NDRG1: variants seen among roughly 807,000 people sequenced by gnomAD.
The protein encoded by NDRG1 is protein NDRG1.
Under a neutral mutation model 56.9 loss-of-function variants are expected in NDRG1, and 32 were observed. The observed-to-expected ratio is 0.56, with a 90% CI of 0.42 to 0.76. The LOEUF is 0.76. Among genes scored for constraint, NDRG1 ranks in the 30% least tolerant of loss-of-function variants. The pLI is 0.00. For missense variants in NDRG1, 507 were observed against 545.7 expected, an observed-to-expected ratio of 0.93 and a Z score of 0.71; for synonymous variants, 211 against 204.1, an observed-to-expected ratio of 1.03 and a Z score of -0.29.
intron 8 of NDRG1, chr8:133,255,134 C>G (rs1235526502): frequency 1.1e-5 from 4 of 362,760 alleles, no homozygotes; most frequent in Non-Finnish European, 1.1e-5. Context: ...TCCTAGTATA[C>G]AGCAGAAGCT....
rs773317729 is a variant in NDRG1 at position 133,280,238 on chromosome 8, A to G, written c.93T>C (p.Asp31=). The change falls in exon 3 of 16, where the codon GAT becomes GAC. Residue 31 remains aspartate, a synonymous_variant. Transcript: ENST00000323851. ...ETITGLLQEF[D]VQEQDIETLH... ...AGCCACATCCTCTACTTGCCTGGAC[A>G]TCAAACTCTTGCAGGAGGCCGGTGA... 2.5e-6 allele frequency: 4 copies of G among 1,614,162 alleles called. No individual in the cohort carries two copies. The highest frequency in any genetic ancestry group is 2.5e-6 in the Non-Finnish European group (3 of 1,180,002).
chr8:133,239,626 C>T lies in NDRG1; in HGVS notation c.944-507G>A, dbSNP rs529806614. ...GCATGGCTATTCGTTGTCATCTCTC[C>T]CAAAGAAGCCTGTCAGCCCAGGTGC... On this transcript the variant is annotated intron_variant, in intron 15 of 15. Transcript: ENST00000323851. The T allele has an allele frequency of 5.0e-4, 92 of 183,582 alleles. 3 individuals are homozygous for T. In the South Asian group the frequency reaches 0.011, roughly 22 times the overall value. 11.4% of individuals were successfully genotyped at this position (183,582 alleles called of 1,614,324 possible).
rs1855949348 is a variant in NDRG1, at chr8:133,250,446, T to C, written c.692A>G (p.Tyr231Cys). ...PGNLHLFINAYNSRRDLEIER... is the reference protein window; with the variant it reads ...PGNLHLFINACNSRRDLEIER... Reference sequence around the variant, plus strand: ...CTGAACTACATCCCAATACCTGTTGTAGGCATTGATGAACAGGTGCAGGTT... The same window carrying C: ...CTGAACTACATCCCAATACCTGTTGCAGGCATTGATGAACAGGTGCAGGTT... Residue 231 changes from tyrosine (Y) to cysteine (C), a missense_variant, in exon 10 of 16, where the codon TAC (tyrosine) becomes TGC (cysteine). Tyr to Cys is a radical substitution (Grantham distance 194). Coordinates refer to ENST00000323851, the MANE Select transcript of NDRG1 (RefSeq NM_006096.4). 1 of 1,612,468 alleles carries C rather than the reference T, an allele frequency of 6.2e-7. No individual in the cohort carries two copies. The highest frequency in any genetic ancestry group is 8.5e-7 in the Non-Finnish European group (1 of 1,178,484).
chr8:133,264,441 G>A, intron 4 of NDRG1, 106 bp downstream of exon 4: 1 of 1,023,262 alleles, frequency 9.8e-7, no homozygotes, highest in South Asian at 1.3e-5. Flanking sequence ...GAAGTCCCAG[G>A]CAAAAAGAAA....
chr8:133,281,750 T>C (rs982441791), intron 2 of NDRG1, among the ~76,000 whole-genome samples: 1 of 152,172 alleles, frequency 6.6e-6, no homozygotes, highest in African/African-American at 2.4e-5. Context: ...GGGATTCAAA[T>C]AGCCCCACAT....
At chr8:133,249,476 C>T (rs1158438137) in intron 10 of NDRG1, 7 of 155,256 alleles carry the variant, frequency 4.5e-5, no homozygotes, top group Non-Finnish European at 8.6e-5. Flanking sequence ...GCCTTTGCTT[C>T]CTCAACAGGA....
chr8:133,246,594 A>AC (rs1341048379), intron 13 of NDRG1, 22 bp downstream of exon 13: 1 of 1,613,630 alleles, frequency 6.2e-7, no homozygotes. Flanking sequence ...ACAAACACGA[A>AC]CCCCCACTGT....
chr8:133,243,583 G>A (rs550565407), intron 14 of NDRG1, among the ~76,000 whole-genome samples: 1 of 152,292 alleles, frequency 6.6e-6, no homozygotes, highest in South Asian at 2.1e-4. Context: ...TGGTGTCCTC[G>A]AAGCCTGTGC....
Position 133,246,599 on chromosome 8 carries a change from C to A in NDRG1, c.855+17G>T. On this transcript the variant is annotated intron_variant, in intron 13 of 15. Coordinates refer to ENST00000323851, the MANE Select transcript of NDRG1 (RefSeq NM_006096.4). Reference sequence around the variant, plus strand: ...CTAAGAAATAACAAACACGAACCCCCACTGTTTTCCCTGTACCTTGAGGAG... The same window carrying A: ...CTAAGAAATAACAAACACGAACCCCAACTGTTTTCCCTGTACCTTGAGGAG... 1.2e-6 allele frequency: 2 copies of A among 1,613,938 alleles called. No homozygotes were observed. The highest frequency in any genetic ancestry group is 1.7e-6 in the Non-Finnish European group (2 of 1,179,792).
intron 1 of NDRG1, among the ~76,000 whole-genome samples, chr8:133,285,786 A>C (rs1858079020): frequency 6.6e-6 from 1 of 152,176 alleles, no homozygotes. Context: ...TTCTGAAAAC[A>C]AAGTCGGTTT....
chr8:133,238,726 T>A lies in NDRG1; in HGVS notation c.*152A>T. 1.0e-6 allele frequency: 1 copy of A among 978,730 alleles called. No individual in the cohort carries two copies. The highest frequency in any genetic ancestry group is 1.5e-6 in the Non-Finnish European group (1 of 681,884). The allele number at this position is 978,730 out of a possible 1,614,324, so 60.6% of individuals were successfully genotyped here. A position where few individuals can be genotyped will look rare whatever the true frequency, so the allele number is the denominator to read the frequency against. Reference sequence around the variant, plus strand: ...GGAGAGGGCACCCACGTAATAGACCTCATTTGTCTCCACCAGAGCTCACTC... The same window carrying A: ...GGAGAGGGCACCCACGTAATAGACCACATTTGTCTCCACCAGAGCTCACTC... On this transcript the variant is annotated 3_prime_UTR_variant, in exon 16 of 16. Coordinates refer to ENST00000323851, the MANE Select transcript of NDRG1 (RefSeq NM_006096.4).
At chr8:133,278,527 G>C (rs1217600067) in intron 3 of NDRG1, among the ~76,000 whole-genome samples, 1 of 152,182 alleles carries the variant, frequency 6.6e-6, no homozygotes, top group African/African-American at 2.4e-5. Flanking sequence ...CATGGGAGAA[G>C]CCTGGACCTC....
In NDRG1 at chr8:133,262,072, C is replaced by G; in HGVS notation, c.301G>C (p.Asp101His). The change falls in exon 5 of 16, where the codon GAC (aspartate) becomes CAC (histidine). Residue 101 changes from aspartate to histidine, a missense_variant. By Grantham distance (81) the Asp-to-His change is moderately conservative. Transcript: ENST00000323851. ...VCHVDAPGQQDGAASFPAGYM... is the reference protein window; with the variant it reads ...VCHVDAPGQQHGAASFPAGYM... ...CCTGCGGGGAAGGAGGCTGCGCCGT[C>G]CTGCTGGCCAGGGGCGTCCACGTGG... 1 of 1,613,900 alleles carries G rather than the reference C, an allele frequency of 6.2e-7. No individual in the cohort carries two copies. The highest frequency in any genetic ancestry group is 8.5e-7 in the Non-Finnish European group (1 of 1,179,844).
chr8:133,253,465 T>A (rs563654943), intron 9 of NDRG1, among the ~76,000 whole-genome samples: 1 of 152,348 alleles, frequency 6.6e-6, no homozygotes, highest in African/African-American at 2.4e-5. Context: ...ACAGAATTTA[T>A]CACACAGGTC....
At chr8:133,258,223 CA>C in intron 7 of NDRG1, 142 bp downstream of exon 7, 1 of 789,652 alleles carries the variant, frequency 1.3e-6, no homozygotes, top group South Asian at 1.5e-5. Context: ...AGTACCCATG[CA>C]CCACACACAC....
chr8:133,274,664 A>T (rs1857364093), intron 3 of NDRG1, among the ~76,000 whole-genome samples: 1 of 152,220 alleles, frequency 6.6e-6, no homozygotes, highest in Admixed American at 6.5e-5. Flanking sequence ...AGTGTTGCTT[A>T]GATTATCTGC....
chr8:133,255,097 C>T (rs1402553188), intron 8 of NDRG1: 2 of 339,420 alleles, frequency 5.9e-6, no homozygotes, highest in Non-Finnish European at 1.2e-5. Context: ...TCCCCAGTGA[C>T]TAGGTTTGCA....
chr8:133,285,310 T>TA (rs1264213385), intron 1 of NDRG1, among the ~76,000 whole-genome samples: 1 of 152,082 alleles, frequency 6.6e-6, no homozygotes, highest in Non-Finnish European at 1.5e-5. Context: ...GGTCAAGTCT[T>TA]ACAGACAGCA....
intron 3 of NDRG1, among the ~76,000 whole-genome samples, chr8:133,275,043 C>A (rs1461038794): frequency 6.6e-6 from 1 of 152,142 alleles, no homozygotes; most frequent in Non-Finnish European, 1.5e-5. Context: ...CTGACCAGTC[C>A]CCGGGCTGAT....
Sources: allele counts gnomAD v4.1 joint callset (sites outside exome capture counted in the v4.1 genomes callset), GRCh38; gene constraint gnomAD v4.1.1; transcripts MANE v1.5; gene names NCBI Gene and HGNC (gene_info 2026-07-23, HGNC 2026-07-21).